Variants in FRY observed in about 807,000 individuals in gnomAD.
FRY encodes the protein FRY microtubule binding protein.
FRY carries 128 observed loss-of-function variants against 348.4 expected under a neutral mutation model. That is an observed-to-expected ratio of 0.37 (90% CI 0.32 to 0.43). The LOEUF (loss-of-function observed/expected upper bound fraction) is 0.43. FRY is among the 20% of genes least tolerant of loss of function. FRY has a pLI of 1.00. For synonymous variants in FRY, 1,370 were observed against 1,374.7 expected, an observed-to-expected ratio of 1.00 and a Z score of 0.08; for missense variants, 2,736 against 3,695.2, an observed-to-expected ratio of 0.74 and a Z score of 6.73.
chr13:32,169,496 A>G (rs1174343402), intron 17 of FRY, among the ~76,000 whole-genome samples: 4 of 152,222 alleles, frequency 2.6e-5, no homozygotes, highest in Non-Finnish European at 4.4e-5. Context: ...CTTAGAGATT[A>G]AGTGACTAGC....
At chr13:32,279,778 G>A (rs1888722889) in intron 58 of FRY, among the ~76,000 whole-genome samples, 1 of 152,208 alleles carries the variant, frequency 6.6e-6, no homozygotes, top group Admixed American at 6.5e-5. Context: ...CAGAGGTTTG[G>A]AGTGAACATT....
chr13:32,192,267 C>CTT (rs61216750), intron 28 of FRY, among the ~76,000 whole-genome samples: 1 of 151,922 alleles, frequency 6.6e-6, no homozygotes, highest in Non-Finnish European at 1.5e-5. Flanking sequence ...TTTTTAATGA[C>CTT]TTTTTTTGTT....
At chr13:32,198,475 A>C (rs1883817791) in intron 29 of FRY, among the ~76,000 whole-genome samples, 1 of 152,216 alleles carries the variant, frequency 6.6e-6, no homozygotes, top group African/African-American at 2.4e-5. Flanking sequence ...TATGAAATGC[A>C]CTATCGTGGG....
intron 51 of FRY, among the ~76,000 whole-genome samples, chr13:32,260,102 G>A (rs1205120002): frequency 6.6e-6 from 1 of 152,340 alleles, no homozygotes; most frequent in East Asian, 1.9e-4. Context: ...TTATATGACA[G>A]ATCTGTGAGA....
At chr13:32,129,547 G>A (rs1220391977) in intron 7 of FRY, among the ~76,000 whole-genome samples, 1 of 151,776 alleles carries the variant, frequency 6.6e-6, no homozygotes, top group East Asian at 1.9e-4. Flanking sequence ...ATGTCAGAAG[G>A]GGCCAGTTTG....
Position 32,237,983 on chromosome 13 carries a change from A to G in FRY, c.6415A>G (p.Ile2139Val), listed in dbSNP as rs776098861. 17 of 1,613,602 alleles carry G rather than the reference A, an allele frequency of 1.1e-5. No homozygotes were observed. The highest frequency in any genetic ancestry group is 3.3e-5 in the South Asian group (3 of 91,084). The stretch of plus-strand genomic sequence containing the variant: ...ATCCATGGTGGATGCATCCCACGCT[A>G]TTGGTAAAGCCAGCCTCGTTCACCC... ...KISMVDASHA[I>V]GFPLNVLCLL... The change falls in exon 44 of 61, where the codon ATT becomes GTT. Residue 2139 changes from isoleucine to valine, a missense_variant. This residue lies in a region of FRY where 789 missense variants were observed against 996.2 expected (regional missense o/e 0.79). Coordinates refer to ENST00000542859, the MANE Select transcript of FRY (RefSeq NM_023037.3). The surrounding 1 kb of genome is among the most constrained non-coding windows in gnomAD (Gnocchi z 6.3).
chr13:32,130,452 T>TTGTGTGTGTG (rs58000380), intron 7 of FRY, among the ~76,000 whole-genome samples: 8,757 of 141,878 alleles, frequency 0.062, 320 homozygotes, highest in Middle Eastern at 0.099. Context: ...TGGAAAGTGT[T>TTGTGTGTGTG]TGTGTGTGTG....
chr13:32,209,825 A>G lies in FRY; in HGVS notation c.4422+94A>G, dbSNP rs1228677833. On this transcript the variant is annotated intron_variant, in intron 33 of 60. Coordinates refer to ENST00000542859, the MANE Select transcript of FRY (RefSeq NM_023037.3). ...GAATGTGCTCTTTGCTCCAGCTAAAATAGAAATGTCCAGTTAGTCACATGA... is the reference window on the plus strand; with the variant it reads ...GAATGTGCTCTTTGCTCCAGCTAAAGTAGAAATGTCCAGTTAGTCACATGA... 5 of 1,257,524 alleles carry G rather than the reference A, an allele frequency of 4.0e-6. No individual in the cohort carries two copies. The East Asian group carries it at 9.3e-5, about 23-fold the overall frequency. The allele number at this position is 1,257,524 out of a possible 1,614,324, so 77.9% of individuals were successfully genotyped here.
chr13:32,204,623 A>G (rs965545959), intron 31 of FRY, among the ~76,000 whole-genome samples: 2 of 152,100 alleles, frequency 1.3e-5, no homozygotes, highest in African/African-American at 2.4e-5. Flanking sequence ...CCTAACTTCA[A>G]CTTTCCAGAA....
At chr13:32,080,265 T>C (rs1472013767) in intron 2 of FRY, among the ~76,000 whole-genome samples, 1 of 152,242 alleles carries the variant, frequency 6.6e-6, no homozygotes, top group Non-Finnish European at 1.5e-5. Flanking sequence ...CATTCACTCA[T>C]GTTTTTATGT....
intron 48 of FRY, 52 bp downstream of exon 48, chr13:32,247,554 G>A (rs774113476): frequency 2.2e-6 from 3 of 1,372,016 alleles, no homozygotes; most frequent in South Asian, 1.2e-5. Context: ...ATTTGTAGTA[G>A]CAAAGATCAA....
At chr13:32,144,951 ATCAGGGAGGAACAGAGAAGGCT>A (rs928452290) in intron 11 of FRY, among the ~76,000 whole-genome samples, 31 of 150,952 alleles carry the variant, frequency 2.1e-4, no homozygotes, top group African/African-American at 7.5e-4. Flanking sequence ...AATTGAAGGC[ATCAGGGAGGAACAGAGAAGGCT>A]TCACAAAGGA....
rs2072100883 is a variant in FRY, at chr13:32,298,672, T to C, written c.*3212T>C. 1 of 152,278 alleles carries C rather than the reference T, an allele frequency of 6.6e-6. No homozygotes were observed. Among genetic ancestry groups the C allele is most frequent in the South Asian group, 2.1e-4 (1 of 4,834 alleles). The allele number at this position is 152,278 out of a possible 1,614,324, so 9.4% of individuals were successfully genotyped here. A position where few individuals can be genotyped will look rare whatever the true frequency, so the allele number is the denominator to read the frequency against. On this transcript the variant is annotated 3_prime_UTR_variant, in exon 61 of 61. Transcript: ENST00000542859. ...CTTAGCTATCACTCTAATAAGGTGA[T>C]ATCTGAGGAGAGATCTGAATGAAGT...
chr13:32,262,863 TG>T (rs139016800), intron 53 of FRY, among the ~76,000 whole-genome samples: 27,496 of 152,210 alleles, frequency 0.18, 2,809 homozygotes, highest in Non-Finnish European at 0.23. Context: ...TGCACATATT[TG>T]GGGAATTTTT....
intron 36 of FRY, among the ~76,000 whole-genome samples, chr13:32,221,204 C>T (rs1336290916): frequency 6.6e-6 from 1 of 152,184 alleles, no homozygotes; most frequent in African/African-American, 2.4e-5. Flanking sequence ...AGACACCCCT[C>T]CACCAGCTCT....
At chr13:32,161,116 A>G in intron 16 of FRY, 28 bp from the exon 17 acceptor site, 1 of 1,376,528 alleles carries the variant, frequency 7.3e-7, no homozygotes, top group East Asian at 2.3e-5. Flanking sequence ...TTTTTGACCT[A>G]TTTTAAAATT....
intron 59 of FRY, 147 bp from the exon 60 acceptor site, chr13:32,294,221 G>C: frequency 1.5e-6 from 1 of 650,974 alleles, no homozygotes; most frequent in South Asian, 1.8e-5. Flanking sequence ...ACATACCATG[G>C]AGTACAATGT....
chr13:32,242,155 C>CTT (rs1886543611), intron 46 of FRY, among the ~76,000 whole-genome samples: 1 of 152,144 alleles, frequency 6.6e-6, no homozygotes, highest in Non-Finnish European at 1.5e-5. Context: ...TTATGTAGAT[C>CTT]TTTATCAAAT....
At chr13:32,187,711 T>A (rs1393889026) in intron 28 of FRY, 55 bp downstream of exon 28, 5 of 947,110 alleles carry the variant, frequency 5.3e-6, no homozygotes, top group Non-Finnish European at 7.0e-6. Flanking sequence ...TCTGCCTCAG[T>A]TGAGTTACTG....
Sources: gnomAD v4.1 joint callset for allele counts (sites outside exome capture counted in the v4.1 genomes callset) on GRCh38, gnomAD v4.1.1 for gene constraint, gnomAD v4.1.1 regional missense constraint, Gnocchi (gnomAD v3.1) non-coding constraint, MANE v1.5 for transcripts, NCBI Gene and HGNC (gene_info 2026-07-23, HGNC 2026-07-21) for gene names.